Variants in UNC13C observed in about 807,000 individuals in gnomAD.
UNC13C encodes protein unc-13 homolog C.
Under a neutral mutation model 245.4 loss-of-function variants are expected in UNC13C, and 174 were observed. The observed-to-expected ratio is 0.71, with a 90% CI of 0.63 to 0.80. The LOEUF (loss-of-function observed/expected upper bound fraction) is 0.80. Ranked by LOEUF, UNC13C falls within the 30% of genes least tolerant of loss-of-function variation. UNC13C has a pLI of 0.00. For missense variants in UNC13C, 2,829 were observed against 2,602.9 expected (o/e 1.09, Z -1.89); for synonymous variants, 992 against 895.1 (o/e 1.11, Z -1.93).
chr15:54,585,727 C>T (rs559030141), intron 30 of UNC13C, among the ~76,000 whole-genome samples: 8 of 152,230 alleles, frequency 5.3e-5, no homozygotes, highest in Non-Finnish European at 1.0e-4. Context: ...GTGAGATGCA[C>T]GTCTCAGGAA....
chr15:54,340,543 A>T (rs1309233967), intron 17 of UNC13C, among the ~76,000 whole-genome samples: 2 of 152,148 alleles, frequency 1.3e-5, no homozygotes, highest in Non-Finnish European at 2.9e-5. Flanking sequence ...TGAATAGGGT[A>T]TTCTTTCCCT....
intron 2 of UNC13C, among the ~76,000 whole-genome samples, chr15:54,036,874 C>T (rs981352571): frequency 2.0e-5 from 3 of 152,162 alleles, no homozygotes; most frequent in East Asian, 1.9e-4. Context: ...GGAAAACCTT[C>T]GGTGATTCAG....
intron 19 of UNC13C, among the ~76,000 whole-genome samples, chr15:54,490,981 C>T (rs1196786216): frequency 6.6e-6 from 1 of 152,142 alleles, no homozygotes; most frequent in Non-Finnish European, 1.5e-5. Context: ...ACATCCTGTA[C>T]CTGTCGAAAA....
chr15:54,245,183 A>G (rs2035959696), intron 7 of UNC13C, among the ~76,000 whole-genome samples: 1 of 152,180 alleles, frequency 6.6e-6, no homozygotes, highest in Non-Finnish European at 1.5e-5. Context: ...ATTATCTCAT[A>G]CCACTCTCAT....
At chr15:54,174,445 A>C (rs1380284127) in intron 4 of UNC13C, among the ~76,000 whole-genome samples, 1 of 152,122 alleles carries the variant, frequency 6.6e-6, no homozygotes, top group East Asian at 1.9e-4. Flanking sequence ...CTTGTTTTTA[A>C]TTTTTAATGA....
the UNC13C span, among the ~76,000 whole-genome samples, chr15:53,954,240 G>A: frequency 1.3e-5 from 2 of 152,176 alleles, no homozygotes; most frequent in African/African-American, 4.8e-5. Context: ...CATGTTCCAT[G>A]TGCATATCTA....
At chr15:54,397,047 A>G (rs1488071407) in intron 18 of UNC13C, among the ~76,000 whole-genome samples, 1 of 151,392 alleles carries the variant, frequency 6.6e-6, no homozygotes, top group African/African-American at 2.4e-5. Flanking sequence ...GAATAGTCCA[A>G]TTTATTGATC....
chr15:54,438,961 G>C (rs1053492655), intron 19 of UNC13C, among the ~76,000 whole-genome samples: 2 of 151,710 alleles, frequency 1.3e-5, no homozygotes, highest in African/African-American at 2.4e-5. Context: ...AATTTAATGG[G>C]TTTTAGAAGT....
intron 14 of UNC13C, among the ~76,000 whole-genome samples, chr15:54,325,026 A>G (rs568245727): frequency 4.7e-4 from 72 of 152,114 alleles, no homozygotes; most frequent in African/African-American, 1.6e-3. Context: ...GTGGCCCAAG[A>G]CAATTCTTCT....
At chr15:54,449,536 C>T (rs1010673912) in intron 19 of UNC13C, among the ~76,000 whole-genome samples, 2 of 152,194 alleles carry the variant, frequency 1.3e-5, no homozygotes, top group Non-Finnish European at 2.9e-5. Flanking sequence ...GATATTCAAT[C>T]ACTGATACCC....
rs368292332 is a variant in UNC13C at position 54,185,714 on chromosome 15, A to T, written c.3071+42030A>T. ...TGAAGTCAGGTAGCGTGATGCCTCC[A>T]GCTTTGTTCTTTTGGCTTAGGATTG... On this transcript the variant is annotated intron_variant, in intron 4 of 32. Transcript: ENST00000260323. 5.3e-5 allele frequency among the ~76,000 whole-genome samples: 8 copies of T among 149,892 alleles called. 1 individual carries two copies. In the East Asian group the frequency reaches 9.8e-4, roughly 18 times the overall value.
chr15:54,132,305 C>T (rs1021030885), intron 2 of UNC13C, among the ~76,000 whole-genome samples: 3 of 152,046 alleles, frequency 2.0e-5, no homozygotes, highest in Admixed American at 6.6e-5. Context: ...CTCCTGACCT[C>T]GTGATCTGCC....
At chr15:53,904,125 T>A in the UNC13C span, among the ~76,000 whole-genome samples, 1 of 152,298 alleles carries the variant, frequency 6.6e-6, no homozygotes, top group Middle Eastern at 3.4e-3. Flanking sequence ...TGATTTTTAA[T>A]CTTGTTGGAT....
intron 4 of UNC13C, among the ~76,000 whole-genome samples, chr15:54,162,797 A>T (rs1273765855): frequency 1.3e-5 from 2 of 152,172 alleles, no homozygotes; most frequent in African/African-American, 4.8e-5. Flanking sequence ...TTAAAATCTC[A>T]TGTTGGTTTA....
chr15:54,040,445 C>A (rs35330932), intron 2 of UNC13C, among the ~76,000 whole-genome samples: 1 of 151,880 alleles, frequency 6.6e-6, no homozygotes, highest in Admixed American at 6.6e-5. Context: ...CCTACTTAAT[C>A]AAAATCTTGT....
chr15:53,917,930 GA>G, the UNC13C span, among the ~76,000 whole-genome samples: 1 of 152,078 alleles, frequency 6.6e-6, no homozygotes, highest in Non-Finnish European at 1.5e-5. Context: ...GATAAAGATT[GA>G]AAAGGTTTCT....
chr15:54,381,030 T>G (rs1403005385), intron 17 of UNC13C, among the ~76,000 whole-genome samples: 1 of 152,220 alleles, frequency 6.6e-6, no homozygotes, highest in Non-Finnish European at 1.5e-5. Flanking sequence ...CAAAAAAATC[T>G]TAATCCAGTC....
At chr15:54,109,735 G>C (rs74016074) in intron 2 of UNC13C, among the ~76,000 whole-genome samples, 1 of 152,018 alleles carries the variant, frequency 6.6e-6, no homozygotes, top group African/African-American at 2.4e-5. Flanking sequence ...ATGGTAATCC[G>C]GTAATCCTTA....
chr15:54,030,324 G>A lies in UNC13C; in HGVS notation c.2983+14438G>A, dbSNP rs181728707. On this transcript the variant is annotated intron_variant, in intron 2 of 32. Transcript: ENST00000260323. ...GCTGAATGTTACTTACTTAGTTAAC[G>A]CCCCTTAAGCAGAGCCAGTATTCAA... Among the ~76,000 whole-genome samples the A allele has an allele frequency of 1.6e-4, 25 of 151,880 alleles. No homozygotes were observed. The East Asian group carries it at 3.3e-3, about 20-fold the overall frequency.
Sources: allele counts gnomAD v4.1 joint callset (sites outside exome capture counted in the v4.1 genomes callset), GRCh38; gene constraint gnomAD v4.1.1; transcripts MANE v1.5; gene names NCBI Gene and HGNC (gene_info 2026-07-23, HGNC 2026-07-21).